Variants in GDA observed in about 807,000 individuals in gnomAD.
The protein encoded by GDA is cytoplasmic PSD-95 interactor.
Under a neutral mutation model 59.6 loss-of-function variants are expected in GDA, and 18 were observed. The observed-to-expected ratio is 0.30, with a 90% CI of 0.21 to 0.45. GDA has a LOEUF of 0.45. Ranked by LOEUF, GDA falls within the 20% of genes least tolerant of loss-of-function variation. The pLI, the probability that GDA is intolerant of heterozygous loss-of-function variation, is 1.00. For missense variants in GDA, 427 were observed against 552.3 expected (o/e 0.77, Z 2.27); for synonymous variants, 201 against 201.1 (o/e 1.00, Z 0.00).
At chr9:72,238,024 C>A (rs567000435) in intron 10 of GDA, among the ~76,000 whole-genome samples, 3 of 152,198 alleles carry the variant, frequency 2.0e-5, no homozygotes, top group African/African-American at 7.2e-5. Context: ...TCATGTCACC[C>A]CCTTGTGCTC....
intron 10 of GDA, among the ~76,000 whole-genome samples, chr9:72,233,973 A>T (rs1436398659): frequency 6.6e-6 from 1 of 152,156 alleles, no homozygotes; most frequent in Non-Finnish European, 1.5e-5. Context: ...GAATTGTATG[A>T]GGATGTTTAT....
chr9:72,175,779 G>A (rs1830479702), intron 1 of GDA, among the ~76,000 whole-genome samples: 1 of 152,092 alleles, frequency 6.6e-6, no homozygotes, highest in African/African-American at 2.4e-5. Flanking sequence ...AATACCTTTG[G>A]ATAATCATTT....
intron 1 of GDA, among the ~76,000 whole-genome samples, chr9:72,166,092 A>G (rs1829277400): frequency 6.6e-6 from 1 of 152,204 alleles, no homozygotes; most frequent in Non-Finnish European, 1.5e-5. Flanking sequence ...CTTTGTATGT[A>G]TGAATGGAGG....
In GDA at chr9:72,249,426, C is replaced by T; in HGVS notation, c.*1084C>T. 1 of 912,630 alleles carries T rather than the reference C, an allele frequency of 1.1e-6. No homozygotes were observed. Among genetic ancestry groups the T allele is most frequent in the Non-Finnish European group, 1.3e-6 (1 of 763,726 alleles). The allele number at this position is 912,630 out of a possible 1,614,324, so 56.5% of individuals were successfully genotyped here. On this transcript the variant is annotated 3_prime_UTR_variant, in exon 14 of 14. Transcript: ENST00000358399. ...CTTTAAACCCTGTGTATTGAAAGCACTCTATTTTCTAATTTTATCCAGTTT... is the reference window on the plus strand; with the variant it reads ...CTTTAAACCCTGTGTATTGAAAGCATTCTATTTTCTAATTTTATCCAGTTT...
chr9:72,179,655 G>T (rs2131059425), intron 1 of GDA, among the ~76,000 whole-genome samples: 1 of 152,298 alleles, frequency 6.6e-6, no homozygotes, highest in South Asian at 2.1e-4. Flanking sequence ...CAGGGCTGCT[G>T]TAATGAAGTA....
upstream of GDA, among the ~76,000 whole-genome samples, chr9:72,147,343 G>A (rs1010988119): frequency 6.6e-6 from 1 of 152,166 alleles, no homozygotes; most frequent in Non-Finnish European, 1.5e-5. Flanking sequence ...GAGTAGCTGG[G>A]ACTACAGGCA....
rs1306121329 is a variant in GDA, at chr9:72,140,193, T to C, written c.-100+25360T>C. 2.6e-5 allele frequency among the ~76,000 whole-genome samples: 4 copies of C among 152,200 alleles called. 1 individual carries two copies. The East Asian group carries it at 7.7e-4, about 29-fold the overall frequency. On this transcript the variant is annotated intron_variant, in intron 1 of 13. Transcript: ENST00000545168. ...TGTTAGGGCTGGGCATATCAGCCTA[T>C]TGTGGCAAATAAGATGATGAGTTTG...
At chr9:72,196,592 T>C (rs1373947635) in intron 2 of GDA, among the ~76,000 whole-genome samples, 1 of 152,212 alleles carries the variant, frequency 6.6e-6, no homozygotes, top group African/African-American at 2.4e-5. Context: ...TTGTTTATTT[T>C]ACTTTAAGTT....
intron 1 of GDA, among the ~76,000 whole-genome samples, chr9:72,119,815 A>C (rs1825598631): frequency 1.3e-5 from 2 of 152,238 alleles, no homozygotes; most frequent in South Asian, 4.1e-4. Context: ...AAGTAAGCAC[A>C]GAGAACCAAT....
At chr9:72,198,798 C>T (rs1833535835) in intron 2 of GDA, among the ~76,000 whole-genome samples, 3 of 146,224 alleles carry the variant, frequency 2.1e-5, no homozygotes, top group South Asian at 4.3e-4. Context: ...TTAATGTGTT[C>T]CATTTGGTGA....
chr9:72,216,971 G>A (rs368349578), intron 5 of GDA, among the ~76,000 whole-genome samples: 4 of 152,134 alleles, frequency 2.6e-5, no homozygotes, highest in Middle Eastern at 3.2e-3. Context: ...CACCGTGCCC[G>A]GCCCAGGAAT....
chr9:72,242,365 C>T (rs17057544), intron 11 of GDA, among the ~76,000 whole-genome samples: 27,373 of 151,912 alleles, frequency 0.18, 2,864 homozygotes, highest in Middle Eastern at 0.29. Context: ...TGTATTGTTA[C>T]GGAAAAAAAT....
intron 12 of GDA, 56 bp from the exon 13 acceptor site, chr9:72,247,350 T>C: frequency 9.4e-7 from 1 of 1,062,118 alleles, no homozygotes; most frequent in Non-Finnish European, 1.5e-6. Flanking sequence ...AGCTGTGAAT[T>C]TACTTTTCTA....
chr9:72,198,737 A>G (rs1393990295), intron 2 of GDA, among the ~76,000 whole-genome samples: 1 of 151,888 alleles, frequency 6.6e-6, no homozygotes, highest in Non-Finnish European at 1.5e-5. Flanking sequence ...TTTGGGTAAT[A>G]CACACATGTA....
intron 4 of GDA, among the ~76,000 whole-genome samples, chr9:72,212,413 C>G (rs2131449821): frequency 6.6e-6 from 1 of 151,628 alleles, no homozygotes; most frequent in East Asian, 1.9e-4. Flanking sequence ...ACCCAGGAGG[C>G]AGAGCTTTCA....
intron 1 of GDA, among the ~76,000 whole-genome samples, chr9:72,122,822 G>A (rs188265367): frequency 2.0e-5 from 3 of 152,030 alleles, no homozygotes; most frequent in South Asian, 2.1e-4. Context: ...CTTTTTTGTA[G>A]TGGCCACCTT....
chr9:72,128,879 T>A (rs992065332), intron 1 of GDA, among the ~76,000 whole-genome samples: 8 of 147,532 alleles, frequency 5.4e-5, no homozygotes, highest in African/African-American at 1.9e-4. Flanking sequence ...GGGTGGAGTC[T>A]CACTGGAGTT....
chr9:72,210,498 C>A (rs1046639499), intron 3 of GDA, among the ~76,000 whole-genome samples, 189 bp from the exon 4 acceptor site: 1 of 152,138 alleles, frequency 6.6e-6, no homozygotes, highest in Admixed American at 6.5e-5. Context: ...GAAGTATCAG[C>A]TTCTCCTCCA....
intron 1 of GDA, among the ~76,000 whole-genome samples, chr9:72,190,734 A>G (rs910044999): frequency 6.6e-6 from 1 of 152,164 alleles, no homozygotes; most frequent in African/African-American, 2.4e-5. Context: ...TTTATACTTG[A>G]AAGCCTTCTG....
Sources: gnomAD v4.1 joint callset for allele counts (sites outside exome capture counted in the v4.1 genomes callset) on GRCh38, gnomAD v4.1.1 for gene constraint, MANE v1.5 for transcripts, NCBI Gene and HGNC (gene_info 2026-07-23, HGNC 2026-07-21) for gene names.